VSTM2B: variants seen among roughly 807,000 people sequenced by gnomAD.
VSTM2B encodes V-set and transmembrane domain-containing protein 2B.
VSTM2B carries 24 observed loss-of-function variants against 24.0 expected under a neutral mutation model. The ratio of observed to expected loss-of-function variants is 1.00; its 90% CI spans 0.72 to 1.40. The LOEUF (loss-of-function observed/expected upper bound fraction) is 1.40, where lower values mean the gene tolerates loss of function less well. VSTM2B is among the 40% of genes most tolerant of loss of function. The pLI is 0.00. For synonymous variants in VSTM2B, 226 were observed against 194.4 expected, an observed-to-expected ratio of 1.16 and a Z score of -1.35; for missense variants, 399 against 416.4, an observed-to-expected ratio of 0.96 and a Z score of 0.36.
At chr19:29,530,322 G>A (rs897706514) in intron 4 of VSTM2B, 32 bp downstream of exon 4, 4 of 1,472,914 alleles carry the variant, frequency 2.7e-6, no homozygotes, top group Non-Finnish European at 3.6e-6. Context: ...GCGCACGCGC[G>A]GGGATGGCGC....
rs372134854 is a variant in VSTM2B, at chr19:29,527,186, C to CCTCT, written c.83-15_83-12dup. 2.0e-6 allele frequency: 3 copies of CCTCT among 1,516,516 alleles called. No homozygotes were observed. In the East Asian group the frequency reaches 7.5e-5, roughly 38 times the overall value. The allele number at this position is 1,516,516 out of a possible 1,614,324, so 93.9% of individuals were successfully genotyped here. On this transcript the variant is annotated intron_variant, in intron 1 of 4. Coordinates refer to ENST00000335523, the MANE Select transcript of VSTM2B (RefSeq NM_001146339.2). The stretch of plus-strand genomic sequence containing the variant: ...GGCCCCCGACCTACAGCTGGTCACG[C>CCTCT]CTCTCTCTCTCTCCCCACCCCCAGC...
chr19:29,530,442 C>T (rs897749936), intron 4 of VSTM2B, among the ~76,000 whole-genome samples, 152 bp downstream of exon 4: 3 of 146,070 alleles, frequency 2.1e-5, no homozygotes, highest in Admixed American at 1.4e-4. Flanking sequence ...AGCGCCCCCC[C>T]CAGGGCCTTC....
chr19:29,556,542 G>A (rs1486592333), intron 4 of VSTM2B, among the ~76,000 whole-genome samples: 1 of 152,138 alleles, frequency 6.6e-6, no homozygotes, highest in Non-Finnish European at 1.5e-5. Context: ...AGGACAATCA[G>A]GCAAGAGAAA....
intron 4 of VSTM2B, among the ~76,000 whole-genome samples, chr19:29,553,868 T>C (rs1970344495): frequency 6.6e-6 from 1 of 151,856 alleles, no homozygotes; most frequent in Non-Finnish European, 1.5e-5. Flanking sequence ...CAGACAAGAT[T>C]AGAGAAAAAA....
chr19:29,562,220 T>C (rs764667457), intron 4 of VSTM2B, among the ~76,000 whole-genome samples: 4 of 152,132 alleles, frequency 2.6e-5, no homozygotes, highest in Non-Finnish European at 5.9e-5. Context: ...AAGAGGATGA[T>C]GGGGGCCAGG....
At position 29,556,037 on chromosome 19, in the gene VSTM2B, A is replaced by G. The variant is rs954135657; in HGVS notation, c.770-7809A>G. ...TATTCCAAACAATTGAAAAGGAGGG[A>G]CTTCTCCCTAACTCATTTTGTGAGG... On this transcript the variant is annotated intron_variant, in intron 4 of 4. Transcript: ENST00000335523. 3.3e-5 allele frequency among the ~76,000 whole-genome samples: 5 copies of G among 151,970 alleles called. 1 individual carries two copies. The highest frequency in any genetic ancestry group is 3.3e-4 in the Admixed American group (5 of 15,218).
intron 4 of VSTM2B, among the ~76,000 whole-genome samples, chr19:29,552,878 C>G (rs1970318189): frequency 6.6e-6 from 1 of 152,226 alleles, no homozygotes. Flanking sequence ...AGGCCTGACA[C>G]TGACCCATCC....
chr19:29,554,244 GC>G (rs1970356422), intron 4 of VSTM2B, among the ~76,000 whole-genome samples: 1 of 152,172 alleles, frequency 6.6e-6, no homozygotes, highest in South Asian at 2.1e-4. Context: ...AACCCTACAA[GC>G]CAGAAGAAAC....
chr19:29,547,139 T>C (rs1394688957), intron 4 of VSTM2B, among the ~76,000 whole-genome samples: 1 of 152,164 alleles, frequency 6.6e-6, no homozygotes, highest in East Asian at 1.9e-4. Context: ...CCCGTTAAAT[T>C]TGAATTTCAG....
At position 29,530,101 on chromosome 19, in the gene VSTM2B, G is replaced by A. The variant is rs1969702094; in HGVS notation, c.580G>A (p.Glu194Lys). ...GGGCGCCGCGAGCCGTACCACCTCC[G>A]AGCCCGGCCGCGGCGACAAGAGCCC... Reference protein sequence around the residue: ...NAGAASRTTSEPGRGDKSPPP... With the variant: ...NAGAASRTTSKPGRGDKSPPP... The change falls in exon 4 of 5, where the codon GAG (glutamate) becomes AAG (lysine). Residue 194 changes from glutamate (E) to lysine (K), a missense_variant. By Grantham distance (56) the Glu-to-Lys change is moderately conservative. Transcript: ENST00000335523. 5 of 1,452,402 alleles carry A rather than the reference G, an allele frequency of 3.4e-6. No individual in the cohort carries two copies. Among genetic ancestry groups the A allele is most frequent in the African/African-American group, 1.5e-5 (1 of 67,350 alleles). 90.0% of individuals were successfully genotyped at this position (1,452,402 alleles called of 1,614,324 possible).
Position 29,534,912 on chromosome 19 carries a change from G to T in VSTM2B, c.769+4622G>T, listed in dbSNP as rs1969852779. On this transcript the variant is annotated intron_variant, in intron 4 of 4. Coordinates refer to ENST00000335523, the MANE Select transcript of VSTM2B (RefSeq NM_001146339.2). ...GCCACTTTGGTAATGCCACGAAGGA[G>T]AGAGGGGGGACTTCCTCCAGCCCTC... Among the ~76,000 whole-genome samples, 4 of 152,162 alleles carry T rather than the reference G, an allele frequency of 2.6e-5. No individual in the cohort carries two copies. The South Asian group carries it at 6.2e-4, about 24-fold the overall frequency.
chr19:29,549,342 C>T (rs907324920), intron 4 of VSTM2B, among the ~76,000 whole-genome samples: 8 of 152,250 alleles, frequency 5.3e-5, no homozygotes, highest in Non-Finnish European at 8.8e-5. Flanking sequence ...GGAGTCCCAA[C>T]GCTGCCCCCA....
At chr19:29,530,457 C>T (rs1361513539) in intron 4 of VSTM2B, among the ~76,000 whole-genome samples, 167 bp downstream of exon 4, 1 of 152,214 alleles carries the variant, frequency 6.6e-6, no homozygotes, top group Non-Finnish European at 1.5e-5. Flanking sequence ...GCCTTCTTCC[C>T]GCGGTTTCTC....
In VSTM2B at chr19:29,529,920, C is replaced by A. The variant is rs756711400; in HGVS notation, c.399C>A (p.Ser133Arg). The A allele has an allele frequency of 6.5e-5, 101 of 1,550,070 alleles. No homozygotes were observed. Among genetic ancestry groups the A allele is most frequent in the Non-Finnish European group, 8.5e-5 (98 of 1,146,858 alleles). The change falls in exon 4 of 5, where the codon AGC becomes AGA. Residue 133 changes from serine to arginine, a missense_variant. Transcript: ENST00000335523. Reference protein sequence around the residue: ...GVYECRVSDYSDDDTQEHKAQ... With the variant: ...GVYECRVSDYRDDDTQEHKAQ... ...ACGAGTGCCGCGTGTCGGACTACAGCGACGACGACACGCAGGAGCACAAGG... is the reference window on the plus strand; with the variant it reads ...ACGAGTGCCGCGTGTCGGACTACAGAGACGACGACACGCAGGAGCACAAGG...
intron 4 of VSTM2B, among the ~76,000 whole-genome samples, chr19:29,548,692 G>C (rs952405882): frequency 3.9e-5 from 6 of 152,180 alleles, no homozygotes; most frequent in Admixed American, 3.9e-4. Flanking sequence ...ATGCTCCCAG[G>C]GTGGGGCAGG....
At chr19:29,529,077 C>T in intron 3 of VSTM2B, 23 of 985,442 alleles carry the variant, frequency 2.3e-5, no homozygotes, top group Non-Finnish European at 2.8e-5. Context: ...ACGAAGCCTC[C>T]TCGTGGGCTC....
intron 4 of VSTM2B, among the ~76,000 whole-genome samples, chr19:29,552,634 T>C (rs1286923101): frequency 6.6e-6 from 1 of 152,206 alleles, no homozygotes; most frequent in African/African-American, 2.4e-5. Context: ...GCCACTCAGC[T>C]AGAGACTGCC....
At chr19:29,543,070 A>C (rs886892582) in intron 4 of VSTM2B, among the ~76,000 whole-genome samples, 6 of 152,166 alleles carry the variant, frequency 3.9e-5, no homozygotes, top group African/African-American at 1.4e-4. Flanking sequence ...TCTGCTGGGC[A>C]CTGGGTACTC....
At chr19:29,539,215 C>T (rs560302537) in intron 4 of VSTM2B, among the ~76,000 whole-genome samples, 23 of 152,222 alleles carry the variant, frequency 1.5e-4, no homozygotes, top group African/African-American at 4.3e-4. Context: ...GCCCACGTGC[C>T]GAGTCCTGGC....
Sources: gnomAD v4.1 joint callset for allele counts (sites outside exome capture counted in the v4.1 genomes callset) on GRCh38, gnomAD v4.1.1 for gene constraint, MANE v1.5 for transcripts, NCBI Gene and HGNC (gene_info 2026-07-23, HGNC 2026-07-21) for gene names.